The following MITF variants were observed in gnomAD, a reference collection of about 807,000 sequenced individuals.
MITF encodes the protein microphthalmia-associated transcription factor.
A neutral mutation model predicts 60.5 loss-of-function variants in MITF; 17 were observed. The ratio of observed to expected loss-of-function variants is 0.28; its 90% CI spans 0.19 to 0.42. The LOEUF (loss-of-function observed/expected upper bound fraction) is 0.42, where lower values mean the gene tolerates loss of function less well. Ranked by LOEUF, MITF falls within the 10% of genes least tolerant of loss-of-function variation. The pLI, the probability that MITF is intolerant of heterozygous loss-of-function variation, is 1.00. For missense variants in MITF, 622 were observed against 683.5 expected, an observed-to-expected ratio of 0.91 and a Z score of 1.00; for synonymous variants, 260 against 248.5, an observed-to-expected ratio of 1.05 and a Z score of -0.43.
chr3:69,917,188 A>G (rs2065354603), intron 2 of MITF, among the ~76,000 whole-genome samples: 1 of 152,160 alleles, frequency 6.6e-6, no homozygotes, highest in African/African-American at 2.4e-5. Flanking sequence ...GTGTATCTGA[A>G]AAATCACAAT....
intron 1 of MITF, among the ~76,000 whole-genome samples, chr3:69,851,724 G>A (rs2063827377): frequency 6.6e-6 from 1 of 152,158 alleles, no homozygotes; most frequent in Non-Finnish European, 1.5e-5. Context: ...TCTGTATCTT[G>A]ATTGTGCTGG....
intron 1 of MITF, among the ~76,000 whole-genome samples, chr3:69,875,999 A>C (rs1055828532): frequency 5.9e-5 from 9 of 152,198 alleles, no homozygotes; most frequent in Non-Finnish European, 1.0e-4. Flanking sequence ...TATAACTATA[A>C]AAATATATTT....
chr3:69,964,778 T>G, intron 9 of MITF, 69 bp from the exon 10 acceptor site: 1 of 1,410,554 alleles, frequency 7.1e-7, no homozygotes, highest in South Asian at 1.2e-5. Flanking sequence ...TCATATAGAG[T>G]GGTTTCACAG....
intron 2 of MITF, among the ~76,000 whole-genome samples, chr3:69,937,429 C>T (rs2065867962): frequency 6.6e-6 from 1 of 150,480 alleles, no homozygotes; most frequent in Non-Finnish European, 1.5e-5. Context: ...CTGTTCTGTT[C>T]GCCAAGGAAA....
At chr3:69,877,143 A>C (rs1165183079) in intron 1 of MITF, among the ~76,000 whole-genome samples, 1 of 152,172 alleles carries the variant, frequency 6.6e-6, no homozygotes, top group Non-Finnish European at 1.5e-5. Context: ...CTGTAGTTGC[A>C]CAATTTAAAA....
At chr3:69,939,215 C>G in intron 4 of MITF, 34 bp downstream of exon 4, 6 of 1,569,116 alleles carry the variant, frequency 3.8e-6, no homozygotes, top group Non-Finnish European at 5.3e-6. Context: ...AGGATGAACA[C>G]TTTGTAATGA....
chr3:69,849,491 G>A (rs2063790303), intron 1 of MITF, among the ~76,000 whole-genome samples: 2 of 152,212 alleles, frequency 1.3e-5, no homozygotes, highest in African/African-American at 4.8e-5. Context: ...CAAAGTACAT[G>A]CCAGGCATTA....
At chr3:69,832,993 CTG>C (rs1319311213) in intron 1 of MITF, among the ~76,000 whole-genome samples, 6 of 151,590 alleles carry the variant, frequency 4.0e-5, no homozygotes, top group African/African-American at 1.4e-4. Flanking sequence ...TCTGTTCACA[CTG>C]TATGTGATTG....
chr3:69,820,835 G>A (rs1435378267), intron 1 of MITF, among the ~76,000 whole-genome samples: 1 of 152,096 alleles, frequency 6.6e-6, no homozygotes, highest in Non-Finnish European at 1.5e-5. Context: ...TGCAATACAA[G>A]TGTCAACATA....
chr3:69,764,487 A>G (rs2062259955), intron 1 of MITF, among the ~76,000 whole-genome samples: 1 of 152,220 alleles, frequency 6.6e-6, no homozygotes, highest in African/African-American at 2.4e-5. Context: ...GGATTTGAAA[A>G]TGAATTCTTT....
chr3:69,805,547 G>A (rs79366329), intron 1 of MITF, among the ~76,000 whole-genome samples: 21,605 of 151,902 alleles, frequency 0.14, 1,767 homozygotes, highest in South Asian at 0.2. Flanking sequence ...TATCTTTTCC[G>A]CTGTATATTA....
At chr3:69,870,162 CAA>C (rs540814984) in intron 1 of MITF, among the ~76,000 whole-genome samples, 3,487 of 109,950 alleles carry the variant, frequency 0.032, 120 homozygotes, top group African/African-American at 0.1. Flanking sequence ...AAAAAACAGG[CAA>C]AAAAAAAAAA....
At chr3:69,745,657 C>A (rs1171180068) in intron 1 of MITF, among the ~76,000 whole-genome samples, 1 of 152,134 alleles carries the variant, frequency 6.6e-6, no homozygotes, top group Non-Finnish European at 1.5e-5. Context: ...CTTGTGGTCT[C>A]CAGGCACCTG....
chr3:69,880,061 C>G (rs564753867), intron 2 of MITF, among the ~76,000 whole-genome samples: 1 of 152,132 alleles, frequency 6.6e-6, no homozygotes, highest in African/African-American at 2.4e-5. Flanking sequence ...GGGAGATACT[C>G]CTTGTTTAAG....
chr3:69,745,040 G>A (rs1158114466), intron 1 of MITF, among the ~76,000 whole-genome samples: 1 of 152,056 alleles, frequency 6.6e-6, no homozygotes, highest in Non-Finnish European at 1.5e-5. Flanking sequence ...AAATCTGCAT[G>A]AGGTGATCAT....
At chr3:69,810,805 C>G (rs918411082) in intron 1 of MITF, among the ~76,000 whole-genome samples, 12 of 152,090 alleles carry the variant, frequency 7.9e-5, no homozygotes, top group African/African-American at 2.7e-4. Flanking sequence ...CTGGAAATGA[C>G]AGAGAACAAA....
chr3:69,815,978 T>C (rs1461969901), intron 1 of MITF, among the ~76,000 whole-genome samples: 2 of 152,168 alleles, frequency 1.3e-5, no homozygotes, highest in African/African-American at 2.4e-5. Context: ...CTTTCTGGGA[T>C]CTCTACAGAA....
At chr3:69,939,300 T>G in intron 4 of MITF, 119 bp downstream of exon 4, 1 of 874,376 alleles carries the variant, frequency 1.1e-6, no homozygotes, top group Non-Finnish European at 1.8e-6. Context: ...TTTTTTTTTT[T>G]ATAGAGAAAG....
At chr3:69,917,376 C>CTTTTTTTTTTTT (rs3044646) in intron 2 of MITF, among the ~76,000 whole-genome samples, 1 of 113,298 alleles carries the variant, frequency 8.8e-6, no homozygotes, top group African/African-American at 3.4e-5. Context: ...CAGTTGCCTC[C>CTTTTTTTTTTTT]TTTTTTTTTT....
Sources: allele counts gnomAD v4.1 joint callset (sites outside exome capture counted in the v4.1 genomes callset), GRCh38; gene constraint gnomAD v4.1.1; transcripts MANE v1.5; gene names NCBI Gene and HGNC (gene_info 2026-07-23, HGNC 2026-07-21).